Variants in GABRB2 observed in about 807,000 individuals in gnomAD.
GABRB2 encodes the protein gamma-aminobutyric acid type A receptor subunit beta2, also known as gamma-aminobutyric acid receptor subunit beta-2.
In GABRB2, 16 loss-of-function variants were observed where a neutral mutation model predicts 54.7. The observed-to-expected ratio is 0.29, with a 90% confidence interval of 0.20 to 0.44. The LOEUF is 0.44. Ranked by LOEUF, GABRB2 falls within the 20% of genes least tolerant of loss-of-function variation. The pLI is 1.00. For missense variants in GABRB2, 355 were observed against 644.0 expected (o/e 0.55, Z 4.86); for synonymous variants, 244 against 233.8 (o/e 1.04, Z -0.40).
intron 5 of GABRB2, among the ~76,000 whole-genome samples, chr5:161,342,536 G>A (rs892641635): frequency 2.0e-5 from 3 of 151,984 alleles, no homozygotes; most frequent in Non-Finnish European, 4.4e-5. Flanking sequence ...AGGAAAACCT[G>A]CAATAAATAA....
intron 9 of GABRB2, among the ~76,000 whole-genome samples, chr5:161,326,119 C>T (rs1014364283): frequency 1.3e-5 from 2 of 152,162 alleles, no homozygotes; most frequent in African/African-American, 4.8e-5. Context: ...CATTTAATTT[C>T]TTTCCCTAAC....
intron 3 of GABRB2, among the ~76,000 whole-genome samples, chr5:161,513,056 G>GAAAAAAA (rs755660749): frequency 1.5e-4 from 21 of 135,918 alleles, no homozygotes; most frequent in African/African-American, 5.1e-4. Context: ...AAAGAAAAAA[G>GAAAAAAA]AAAAAAAAAA....
At chr5:161,351,198 C>CCTAAAGTTCAT (rs1754461450) in intron 5 of GABRB2, among the ~76,000 whole-genome samples, 1 of 151,946 alleles carries the variant, frequency 6.6e-6, no homozygotes, top group Non-Finnish European at 1.5e-5. Flanking sequence ...AAGTAACAAT[C>CCTAAAGTTCAT]CTAAAGTTCA....
chr5:161,401,227 T>C (rs2113080318), intron 5 of GABRB2, among the ~76,000 whole-genome samples: 1 of 152,328 alleles, frequency 6.6e-6, no homozygotes, highest in East Asian at 1.9e-4. Flanking sequence ...GGTTTTCACT[T>C]GTGAGAGTGG....
At chr5:161,455,529 AT>A (rs34494220) in intron 4 of GABRB2, among the ~76,000 whole-genome samples, 35,080 of 137,812 alleles carry the variant, frequency 0.25, 4,296 homozygotes, top group African/African-American at 0.36. Context: ...TTGTTCCCCA[AT>A]TTTTTTTTTT....
At chr5:161,385,464 G>C (rs1755595899) in intron 5 of GABRB2, among the ~76,000 whole-genome samples, 1 of 152,244 alleles carries the variant, frequency 6.6e-6, no homozygotes, top group East Asian at 1.9e-4. Context: ...TCATTTCATA[G>C]TATCCTTAGT....
intron 5 of GABRB2, among the ~76,000 whole-genome samples, chr5:161,368,225 A>G (rs1314741912): frequency 6.6e-6 from 1 of 152,126 alleles, no homozygotes; most frequent in Non-Finnish European, 1.5e-5. Flanking sequence ...GAAAAATTGG[A>G]GCTCTGTCAG....
intron 9 of GABRB2, among the ~76,000 whole-genome samples, chr5:161,325,741 A>T (rs1450833763): frequency 1.3e-5 from 2 of 152,160 alleles, no homozygotes; most frequent in South Asian, 4.1e-4. Context: ...ACACATGAGG[A>T]TTCAGAAACT....
At chr5:161,303,033 G>T (rs1307105202) in intron 9 of GABRB2, among the ~76,000 whole-genome samples, 3 of 152,166 alleles carry the variant, frequency 2.0e-5, no homozygotes, top group Non-Finnish European at 2.9e-5. Flanking sequence ...AAAAGAGTGA[G>T]AATTCTTTTT....
chr5:161,348,406 A>G (rs140189406), intron 5 of GABRB2, among the ~76,000 whole-genome samples: 2 of 152,212 alleles, frequency 1.3e-5, no homozygotes, highest in African/African-American at 4.8e-5. Flanking sequence ...TTAACAGAAG[A>G]TAGTTGGATT....
At chr5:161,393,111 G>A (rs1755882734) in intron 5 of GABRB2, among the ~76,000 whole-genome samples, 1 of 150,812 alleles carries the variant, frequency 6.6e-6, no homozygotes, top group Admixed American at 6.6e-5. Context: ...AAACATGAAA[G>A]GTATCTGGTT....
At chr5:161,431,282 A>C (rs1757164720) in intron 4 of GABRB2, among the ~76,000 whole-genome samples, 1 of 152,092 alleles carries the variant, frequency 6.6e-6, no homozygotes, top group African/African-American at 2.4e-5. Flanking sequence ...TATGCTAACC[A>C]CTCTTATCAT....
At chr5:161,361,820 C>T (rs2910300) in intron 5 of GABRB2, among the ~76,000 whole-genome samples, 84,287 of 151,980 alleles carry the variant, frequency 0.55, 25,206 homozygotes, top group Non-Finnish European at 0.67. Flanking sequence ...CCAGACCCTG[C>T]CTTTATAAAA....
chr5:161,463,788 A>G (rs1758199282), intron 3 of GABRB2, among the ~76,000 whole-genome samples: 1 of 150,966 alleles, frequency 6.6e-6, no homozygotes, highest in South Asian at 2.1e-4. Context: ...AATATGTTCA[A>G]TTGATTTCTG....
chr5:161,449,549 T>A (rs1304837590), intron 4 of GABRB2, among the ~76,000 whole-genome samples: 1 of 152,148 alleles, frequency 6.6e-6, no homozygotes, highest in African/African-American at 2.4e-5. Flanking sequence ...CAAAAGTTAC[T>A]CCAAATGTAA....
rs1417428060 is a variant in GABRB2, at chr5:161,289,233, T to C, written c.*4848A>G. 1.4e-5 allele frequency: 1 copy of C among 70,044 alleles called. No individual in the cohort carries two copies. Among genetic ancestry groups the C allele is most frequent in the Admixed American group, 1.7e-4 (1 of 5,796 alleles). The allele number at this position is 70,044 out of a possible 1,614,324, so 4.3% of individuals were successfully genotyped here. A position where few individuals can be genotyped will look rare whatever the true frequency, so the allele number is the denominator to read the frequency against. On this transcript the variant is annotated 3_prime_UTR_variant, in exon 10 of 10. Transcript: ENST00000393959. The stretch of plus-strand genomic sequence containing the variant: ...CCTAGTAGCTTTTTAAGAGTGCTGC[T>C]TTTTTTTTTTTTTTTTGTACAGATT...
At chr5:161,547,233 A>G (rs1003475562), upstream of GABRB2, 1 of 18,760 alleles carries the variant, frequency 5.3e-5, no homozygotes, top group Non-Finnish European at 9.5e-5. Flanking sequence ...GGGTGGGAGG[A>G]GGGGGGAGGG....
At chr5:161,328,427 A>C (rs1233858825) in intron 8 of GABRB2, among the ~76,000 whole-genome samples, 1 of 152,172 alleles carries the variant, frequency 6.6e-6, no homozygotes, top group African/African-American at 2.4e-5. Flanking sequence ...TATCACAATT[A>C]TGTTCATGAG....
intron 5 of GABRB2, among the ~76,000 whole-genome samples, chr5:161,405,158 T>C (rs931088569): frequency 1.3e-5 from 2 of 152,194 alleles, no homozygotes; most frequent in South Asian, 4.1e-4. Context: ...GTTCAACCAC[T>C]GCCATCCTTC....
Sources: gnomAD v4.1 joint callset for allele counts (sites outside exome capture counted in the v4.1 genomes callset) on GRCh38, gnomAD v4.1.1 for gene constraint, MANE v1.5 for transcripts, NCBI Gene and HGNC (gene_info 2026-07-23, HGNC 2026-07-21) for gene names.